CDH4: variants seen among roughly 807,000 people sequenced by gnomAD.
CDH4 encodes cadherin 4.
CDH4 carries 33 observed loss-of-function variants against 86.0 expected under a neutral mutation model. That is an observed-to-expected ratio of 0.38 (90% CI 0.29 to 0.51). The LOEUF is 0.51. CDH4 is among the 20% of genes least tolerant of loss of function. The pLI, the probability that CDH4 is intolerant of heterozygous loss-of-function variation, is 0.86. For synonymous variants in CDH4, 555 were observed against 549.4 expected (o/e 1.01, Z -0.14); for missense variants, 1,114 against 1,307.4 (o/e 0.85, Z 2.28).
At chr20:61,375,568 GCGC>G in intron 2 of CDH4, among the ~76,000 whole-genome samples, 12 of 143,464 alleles carry the variant, frequency 8.4e-5, no homozygotes, top group Non-Finnish European at 1.5e-4. Flanking sequence ...GATGATGGTG[GCGC>G]TGGTGGTGGT....
intron 2 of CDH4, among the ~76,000 whole-genome samples, chr20:61,522,556 T>C (rs955399729): frequency 6.6e-6 from 1 of 152,270 alleles, no homozygotes; most frequent in African/African-American, 2.4e-5. Context: ...AGAGACTTCA[T>C]TTATATTAGC....
intron 2 of CDH4, among the ~76,000 whole-genome samples, chr20:61,484,444 G>C (rs2085584954): frequency 6.6e-6 from 1 of 152,168 alleles, no homozygotes; most frequent in South Asian, 2.1e-4. Flanking sequence ...CTGCATCGCT[G>C]TTTCTCCAGC....
chr20:61,314,537 G>T (rs111469604), intron 2 of CDH4, among the ~76,000 whole-genome samples: 22 of 152,278 alleles, frequency 1.4e-4, no homozygotes, highest in African/African-American at 4.8e-4. Flanking sequence ...CACTGAGGTG[G>T]ATTCCATATC....
intron 9 of CDH4, among the ~76,000 whole-genome samples, chr20:61,917,563 G>T (rs182820583): frequency 2.6e-4 from 40 of 152,344 alleles, no homozygotes; most frequent in African/African-American, 7.5e-4. Context: ...AGACAGGGGC[G>T]CAGAGTGAGA....
At chr20:61,380,245 G>A (rs2084892355) in intron 2 of CDH4, among the ~76,000 whole-genome samples, 1 of 152,080 alleles carries the variant, frequency 6.6e-6, no homozygotes, top group Admixed American at 6.6e-5. Flanking sequence ...ACACTGAACT[G>A]TTAAAAAAAT....
chr20:61,519,961 G>T (rs2085856891), intron 2 of CDH4, among the ~76,000 whole-genome samples: 1 of 152,192 alleles, frequency 6.6e-6, no homozygotes, highest in Admixed American at 6.5e-5. Context: ...CATGGGCCCT[G>T]TTCCCCGAAA....
intron 2 of CDH4, among the ~76,000 whole-genome samples, chr20:61,492,004 TTGG>T (rs889282580): frequency 1.1e-4 from 16 of 151,664 alleles, no homozygotes; most frequent in African/African-American, 3.4e-4. Flanking sequence ...GGTGTTGATG[TTGG>T]TGGTGTCAAT....
At chr20:61,826,952 A>C (rs1981346010) in intron 4 of CDH4, among the ~76,000 whole-genome samples, 1 of 145,772 alleles carries the variant, frequency 6.9e-6, no homozygotes, top group African/African-American at 2.6e-5. Context: ...TTACCATTTA[A>C]GAAGGGAAAA....
At chr20:61,644,930 G>A (rs921743365) in intron 2 of CDH4, among the ~76,000 whole-genome samples, 2 of 152,208 alleles carry the variant, frequency 1.3e-5, no homozygotes, top group African/African-American at 2.4e-5. Flanking sequence ...GCCTGAGGAA[G>A]GGACCCCGTC....
chr20:61,924,882 G>A (rs1266215559), intron 11 of CDH4, among the ~76,000 whole-genome samples: 1 of 152,188 alleles, frequency 6.6e-6, no homozygotes, highest in African/African-American at 2.4e-5. Flanking sequence ...CTGAGGCACT[G>A]GAATCAGGTC....
At position 61,796,600 on chromosome 20, in the gene CDH4, T is replaced by C. The variant is rs546843275; in HGVS notation, c.576+23418T>C. ...GAAAGGAAGGACCAAAGGATTTGAT[T>C]ATTTCTCTGCTTGGCCACCCCTGGG... On this transcript the variant is annotated intron_variant, in intron 4 of 15. Coordinates refer to ENST00000614565, the MANE Select transcript of CDH4 (RefSeq NM_001794.5). Among the ~76,000 whole-genome samples the C allele has an allele frequency of 9.8e-5, 15 of 152,312 alleles. No homozygotes were observed. The East Asian group carries it at 2.7e-3, about 28-fold the overall frequency.
At chr20:61,499,516 G>T (rs1343224407) in intron 2 of CDH4, 1 of 1,288,756 alleles carries the variant, frequency 7.8e-7, no homozygotes, top group East Asian at 5.6e-5. Flanking sequence ...TGCTAGGGGG[G>T]CTTAGGGTTG....
chr20:61,671,144 G>C (rs955560903), intron 2 of CDH4, among the ~76,000 whole-genome samples: 3 of 150,746 alleles, frequency 2.0e-5, no homozygotes, highest in Non-Finnish European at 2.9e-5. Flanking sequence ...TGATGGTTGG[G>C]TGGATGGGTG....
At chr20:61,532,813 C>T (rs180810630) in intron 2 of CDH4, among the ~76,000 whole-genome samples, 113 of 152,226 alleles carry the variant, frequency 7.4e-4, no homozygotes, top group Admixed American at 3.5e-3. Flanking sequence ...TTCTGTGTCC[C>T]GTAACCAGTT....
chr20:61,784,106 A>C (rs74202422), intron 4 of CDH4, among the ~76,000 whole-genome samples: 1 of 28,476 alleles, frequency 3.5e-5, no homozygotes, highest in African/African-American at 3.1e-4. Flanking sequence ...CAAGGCCCTC[A>C]GATGTCCTGT....
At chr20:61,497,435 T>C (rs1470953608) in intron 2 of CDH4, among the ~76,000 whole-genome samples, 1 of 152,198 alleles carries the variant, frequency 6.6e-6, no homozygotes, top group East Asian at 1.9e-4. Flanking sequence ...CACAGGCTAC[T>C]GAAAGATTTG....
rs770092719 is a variant in CDH4, at chr20:61,556,040, A to G, written c.170-187523A>G. 1.1e-4 allele frequency among the ~76,000 whole-genome samples: 16 copies of G among 152,048 alleles called. 1 individual carries two copies. Among genetic ancestry groups the G allele is most frequent in the African/African-American group, 3.6e-4 (15 of 41,414 alleles). On this transcript the variant is annotated intron_variant, in intron 2 of 15. Transcript: ENST00000614565. ...CCCTCTCTCTGCTCCGGTGCACCCC[A>G]TGGTGGGCTCGCCTTGGTGTACCCC... is the stretch of plus-strand genomic sequence containing the variant.
At chr20:61,442,264 C>T (rs1465714266) in intron 2 of CDH4, among the ~76,000 whole-genome samples, 2 of 152,170 alleles carry the variant, frequency 1.3e-5, no homozygotes, top group Non-Finnish European at 2.9e-5. Flanking sequence ...CAGTGTGTGT[C>T]CGAGGAAGGG....
chr20:61,381,617 A>G (rs2084901200), intron 2 of CDH4, among the ~76,000 whole-genome samples: 1 of 152,306 alleles, frequency 6.6e-6, no homozygotes, highest in East Asian at 1.9e-4. Flanking sequence ...CTAAAGCCAT[A>G]GGGCAGTCCG....
Sources: gnomAD v4.1 joint callset for allele counts (sites outside exome capture counted in the v4.1 genomes callset) on GRCh38, gnomAD v4.1.1 for gene constraint, MANE v1.5 for transcripts, NCBI Gene and HGNC (gene_info 2026-07-23, HGNC 2026-07-21) for gene names.